CCDC93: variants seen among roughly 807,000 people sequenced by gnomAD.
CCDC93 encodes CCC complex scaffolding subunit CCDC93.
In CCDC93, 61 loss-of-function variants were observed where a neutral mutation model predicts 108.2. That is an observed-to-expected ratio of 0.56 (90% confidence interval 0.46 to 0.70). CCDC93 has a LOEUF of 0.70. Ranked by LOEUF, CCDC93 falls within the 30% of genes least tolerant of loss-of-function variation. CCDC93 has a pLI of 0.00. For synonymous variants in CCDC93, 276 were observed against 260.4 expected (o/e 1.06, Z -0.58); for missense variants, 685 against 764.2 (o/e 0.90, Z 1.22).
intron 11 of CCDC93, among the ~76,000 whole-genome samples, chr2:117,959,937 A>T (rs1051355660): frequency 2.0e-5 from 3 of 152,214 alleles, no homozygotes; most frequent in African/African-American, 7.2e-5. Context: ...AGAGTATTAA[A>T]AAAGGGTGGT....
chr2:117,947,089 G>A (rs1430558235), intron 15 of CCDC93, among the ~76,000 whole-genome samples: 1 of 152,176 alleles, frequency 6.6e-6, no homozygotes, highest in African/African-American at 2.4e-5. Flanking sequence ...TCCATCAAAA[G>A]AGGTCCTTCT....
At chr2:117,930,162 C>T (rs1054052118) in intron 23 of CCDC93, among the ~76,000 whole-genome samples, 12 of 152,098 alleles carry the variant, frequency 7.9e-5, no homozygotes, top group Non-Finnish European at 1.5e-5. Flanking sequence ...GAAGAAAAGT[C>T]TTAAATTAAG....
chr2:117,924,093 A>C (rs1677988227), intron 23 of CCDC93, among the ~76,000 whole-genome samples: 1 of 152,220 alleles, frequency 6.6e-6, no homozygotes, highest in South Asian at 2.1e-4. Context: ...GAAAACTAAC[A>C]AACAGAAAGG....
intron 18 of CCDC93, among the ~76,000 whole-genome samples, chr2:117,942,720 C>G (rs531255313): frequency 6.6e-6 from 1 of 151,942 alleles, no homozygotes; most frequent in African/African-American, 2.4e-5. Context: ...GGGCCTCTTC[C>G]ACATTCCACA....
At chr2:118,010,098 C>T (rs561192175) in intron 1 of CCDC93, among the ~76,000 whole-genome samples, 1 of 117,740 alleles carries the variant, frequency 8.5e-6, no homozygotes, top group African/African-American at 2.8e-5. Flanking sequence ...CATGCCACCA[C>T]GCCCGTTTTT....
chr2:117,975,102 C>T, intron 9 of CCDC93, 86 bp downstream of exon 9: 2 of 1,240,452 alleles, frequency 1.6e-6, no homozygotes, highest in Non-Finnish European at 2.3e-6. Context: ...GAGGTGGTGG[C>T]CATTTGGGAA....
intron 15 of CCDC93, among the ~76,000 whole-genome samples, chr2:117,947,302 A>G (rs1175502859): frequency 6.6e-6 from 1 of 152,132 alleles, no homozygotes; most frequent in East Asian, 1.9e-4. Context: ...AGTAAGATCT[A>G]GCTTTTTGGT....
chr2:118,010,288 T>C (rs914687229), intron 1 of CCDC93, among the ~76,000 whole-genome samples: 1 of 152,334 alleles, frequency 6.6e-6, no homozygotes. Context: ...ATTTTTAATT[T>C]ATATCCTCCT....
At chr2:117,959,506 C>A (rs889569283) in intron 11 of CCDC93, among the ~76,000 whole-genome samples, 4 of 152,142 alleles carry the variant, frequency 2.6e-5, no homozygotes, top group African/African-American at 9.7e-5. Flanking sequence ...AAGATATTTA[C>A]CCACAGGAAA....
rs529047732 is a variant in CCDC93, at chr2:118,004,775, T to A, written c.251+1947A>T. ...CAGCTTTGCCCACAGTTACAGTTCATGGCTCTGCACTTAAGAGACACACAT... is the reference window on the plus strand; with the variant it reads ...CAGCTTTGCCCACAGTTACAGTTCAAGGCTCTGCACTTAAGAGACACACAT... On this transcript the variant is annotated intron_variant, in intron 3 of 23. Coordinates refer to ENST00000376300, the MANE Select transcript of CCDC93 (RefSeq NM_019044.5). 1.1e-4 allele frequency among the ~76,000 whole-genome samples: 16 copies of A among 152,368 alleles called. No homozygotes were observed. The South Asian group carries it at 3.3e-3, about 32-fold the overall frequency.
intron 11 of CCDC93, among the ~76,000 whole-genome samples, chr2:117,958,998 CAG>C (rs1391831953): frequency 6.6e-6 from 1 of 152,248 alleles, no homozygotes; most frequent in Non-Finnish European, 1.5e-5. Flanking sequence ...CTGGAGTTAA[CAG>C]GGGATTGATT....
intron 16 of CCDC93, among the ~76,000 whole-genome samples, chr2:117,946,413 A>C (rs567171388): frequency 1.3e-5 from 2 of 152,286 alleles, no homozygotes; most frequent in African/African-American, 2.4e-5. Flanking sequence ...CTCCTTCTTC[A>C]TGTTTGTTGC....
At position 117,918,188 on chromosome 2, in the gene CCDC93, A is replaced by C. The variant is rs1257023377; in HGVS notation, c.*2155T>G. ...TCATGTAACATCCTAATTACTCAGA[A>C]AGGCACTGTCCACACTGAGAGTTGT... is the stretch of plus-strand genomic sequence containing the variant. On this transcript the variant is annotated 3_prime_UTR_variant, in exon 24 of 24. Transcript: ENST00000376300. 1 of 152,164 alleles carries C rather than the reference A, an allele frequency of 6.6e-6. No individual in the cohort carries two copies. The highest frequency in any genetic ancestry group is 2.1e-4 in the South Asian group (1 of 4,822). The allele number at this position is 152,164 out of a possible 1,614,324, so 9.4% of individuals were successfully genotyped here.
intron 17 of CCDC93, among the ~76,000 whole-genome samples, chr2:117,944,428 G>A (rs1465015542): frequency 6.6e-6 from 1 of 151,914 alleles, no homozygotes; most frequent in Non-Finnish European, 1.5e-5. Context: ...GCCTGTGTTT[G>A]GAGATGATGC....
chr2:117,926,164 C>G (rs1259759464), intron 23 of CCDC93, among the ~76,000 whole-genome samples: 1 of 151,974 alleles, frequency 6.6e-6, no homozygotes, highest in Non-Finnish European at 1.5e-5. Context: ...CAAGAGAAAG[C>G]AGGAAAGATC....
At chr2:117,968,653 G>GT (rs1653265321) in intron 11 of CCDC93, among the ~76,000 whole-genome samples, 1 of 152,260 alleles carries the variant, frequency 6.6e-6, no homozygotes, top group South Asian at 2.1e-4. Flanking sequence ...TACTGCACAT[G>GT]TTTTTTACCT....
chr2:117,948,188 TGAAGA>T lies in CCDC93; in HGVS notation c.1143-7_1143-3del. On this transcript the variant is annotated splice_polypyrimidine_tract_variant and splice_region_variant and intron_variant, in intron 14 of 23. Transcript: ENST00000376300. ...AGTGCTCTCAGGTTCTGTAGGATACTGAAGAGAAAAGACAAAAAAATGACATATGG... is the reference window on the plus strand; with the variant it reads ...AGTGCTCTCAGGTTCTGTAGGATACTGAAAAGACAAAAAAATGACATATGG... 1 of 1,610,166 alleles carries T rather than the reference TGAAGA, an allele frequency of 6.2e-7. No homozygotes were observed. Among genetic ancestry groups the T allele is most frequent in the Admixed American group, 1.7e-5 (1 of 59,624 alleles).
At chr2:117,975,345 ACTGACAAGAGGCATGAGT>A in intron 8 of CCDC93, 65 bp from the exon 9 acceptor site, 1 of 1,174,626 alleles carries the variant, frequency 8.5e-7, no homozygotes, top group Non-Finnish European at 1.3e-6. Context: ...AAAGGACAAT[ACTGACAAGAGGCATGAGT>A]CTGTGAAAAA....
At chr2:117,995,616 C>G in intron 5 of CCDC93, 114 bp from the exon 6 acceptor site, 4 of 817,354 alleles carry the variant, frequency 4.9e-6, no homozygotes, top group Non-Finnish European at 8.1e-6. Context: ...CTTTGCCTGA[C>G]GAAGTCTCAA....
Sources: allele counts gnomAD v4.1 joint callset (sites outside exome capture counted in the v4.1 genomes callset), GRCh38; gene constraint gnomAD v4.1.1; transcripts MANE v1.5; gene names NCBI Gene and HGNC (gene_info 2026-07-23, HGNC 2026-07-21).